The following NALF1 variants were observed in gnomAD, a reference collection of about 807,000 sequenced individuals.
The protein encoded by NALF1 is NALCN channel auxiliary factor 1.
NALF1 carries 3 observed loss-of-function variants against 48.4 expected under a neutral mutation model. That is an observed-to-expected ratio of 0.06 (90% CI 0.03 to 0.16). The LOEUF (loss-of-function observed/expected upper bound fraction) is 0.16. Among genes scored for constraint, NALF1 ranks in the 10% least tolerant of loss-of-function variants. The probability of loss-of-function intolerance (pLI) is 1.00; values close to 1 mark genes in which losing one functional copy is unlikely to be tolerated. For missense variants in NALF1, 526 were observed against 571.5 expected, an observed-to-expected ratio of 0.92 and a Z score of 0.81; for synonymous variants, 262 against 245.7, an observed-to-expected ratio of 1.07 and a Z score of -0.62.
intron 1 of NALF1, among the ~76,000 whole-genome samples, chr13:107,539,452 C>T (rs1876936228): frequency 6.7e-6 from 1 of 149,880 alleles, no homozygotes; most frequent in South Asian, 2.1e-4. Context: ...CTCAACACTG[C>T]TGCATTTGAG....
intron 1 of NALF1, among the ~76,000 whole-genome samples, chr13:107,767,599 T>A (rs567860048): frequency 6.6e-6 from 1 of 152,344 alleles, no homozygotes; most frequent in South Asian, 2.1e-4. Context: ...GGGGAAAGGT[T>A]CCAAATGTAT....
At chr13:107,217,715 T>C (rs1204712394) in intron 1 of NALF1, among the ~76,000 whole-genome samples, 1 of 152,134 alleles carries the variant, frequency 6.6e-6, no homozygotes, top group African/African-American at 2.4e-5. Context: ...CACCACGCCC[T>C]GTGAGCCTGC....
Position 107,166,472 on chromosome 13 carries a change from A to C in NALF1, c.*4025T>G, listed in dbSNP as rs1878661755. ...AATTAAATACCTGACTGCAGTTCTA[A>C]ATAAATAAAACAAAATGCAGCTTTC... On this transcript the variant is annotated 3_prime_UTR_variant, in exon 3 of 3. Transcript: ENST00000375915. The C allele has an allele frequency of 6.6e-6, 1 of 152,196 alleles. No individual in the cohort carries two copies. The highest frequency in any genetic ancestry group is 2.1e-4 in the South Asian group (1 of 4,830). The allele number at this position is 152,196 out of a possible 1,614,324, so 9.4% of individuals were successfully genotyped here. A position where few individuals can be genotyped will look rare whatever the true frequency, so the allele number is the denominator to read the frequency against.
intron 1 of NALF1, among the ~76,000 whole-genome samples, chr13:107,842,594 G>A (rs900763498): frequency 6.6e-6 from 1 of 151,096 alleles, no homozygotes; most frequent in Non-Finnish European, 1.5e-5. Context: ...CCTTATAAAA[G>A]AGTTTTATAT....
chr13:107,577,637 T>C, intron 1 of NALF1, among the ~76,000 whole-genome samples: 1 of 152,190 alleles, frequency 6.6e-6, no homozygotes, highest in East Asian at 1.9e-4. Context: ...TTCTTGCCTC[T>C]ACTGGGAAGA....
intron 1 of NALF1, among the ~76,000 whole-genome samples, chr13:107,690,043 GT>G (rs1382807534): frequency 5.3e-5 from 8 of 152,162 alleles, no homozygotes; most frequent in African/African-American, 1.9e-4. Context: ...GCCTTTCACT[GT>G]TAAATTTAGC....
chr13:107,635,662 AATG>A (rs1204696036), intron 1 of NALF1, among the ~76,000 whole-genome samples: 5 of 152,166 alleles, frequency 3.3e-5, no homozygotes, highest in Non-Finnish European at 7.3e-5. Context: ...ATAAAATGGG[AATG>A]ATAATAATTG....
intron 1 of NALF1, among the ~76,000 whole-genome samples, chr13:107,428,151 A>G (rs1884311613): frequency 6.6e-6 from 1 of 152,202 alleles, no homozygotes; most frequent in Non-Finnish European, 1.5e-5. Context: ...TCTGGCTAGC[A>G]AGTGGTGTTT....
At chr13:107,313,934 G>A (rs573277260) in intron 1 of NALF1, among the ~76,000 whole-genome samples, 1 of 152,176 alleles carries the variant, frequency 6.6e-6, no homozygotes, top group South Asian at 2.1e-4. Flanking sequence ...CAAAAACCTT[G>A]GGTACATGTT....
intron 1 of NALF1, among the ~76,000 whole-genome samples, chr13:107,649,539 T>G (rs1334853261): frequency 6.6e-6 from 1 of 152,226 alleles, no homozygotes; most frequent in Non-Finnish European, 1.5e-5. Context: ...GAGTTAATTA[T>G]TTCATATAAA....
intron 1 of NALF1, among the ~76,000 whole-genome samples, chr13:107,332,472 T>C (rs530384198): frequency 1.4e-4 from 21 of 152,344 alleles, no homozygotes; most frequent in Non-Finnish European, 2.4e-4. Context: ...CCCTTTCCAG[T>C]ACTGGAGGCG....
intron 1 of NALF1, among the ~76,000 whole-genome samples, chr13:107,477,142 C>T (rs1885186668): frequency 6.6e-6 from 1 of 152,028 alleles, no homozygotes; most frequent in Admixed American, 6.6e-5. Context: ...TGAACTGAGA[C>T]CTCAAGGAGT....
At chr13:107,857,830 A>G (rs1213814157) in intron 1 of NALF1, among the ~76,000 whole-genome samples, 2 of 152,214 alleles carry the variant, frequency 1.3e-5, no homozygotes, top group African/African-American at 2.4e-5. Context: ...TGAGATCTCA[A>G]GTGAGGACTA....
intron 1 of NALF1, among the ~76,000 whole-genome samples, chr13:107,452,543 C>T (rs1370218319): frequency 6.6e-6 from 1 of 152,130 alleles, no homozygotes; most frequent in African/African-American, 2.4e-5. Flanking sequence ...AAATTACCTC[C>T]ACCTGGTCTC....
intron 1 of NALF1, among the ~76,000 whole-genome samples, chr13:107,687,308 G>A (rs1594207385): frequency 6.6e-6 from 1 of 152,058 alleles, no homozygotes; most frequent in South Asian, 2.1e-4. Flanking sequence ...AGTCTGGATG[G>A]AGGGAGGGAA....
rs377021114 is a variant in NALF1 at position 107,566,871 on chromosome 13, T to C, written c.915+298811A>G. On this transcript the variant is annotated intron_variant, in intron 1 of 2. Coordinates refer to ENST00000375915, the MANE Select transcript of NALF1 (RefSeq NM_001080396.3). ...CCGAGGCAGTGCCCTGAGCGGCTTC[T>C]GTCCAGGCCAGCTGCCCAACACGGA... is the stretch of plus-strand genomic sequence containing the variant. 1.9e-4 allele frequency among the ~76,000 whole-genome samples: 29 copies of C among 152,340 alleles called. 1 individual carries two copies. The South Asian group carries it at 5.8e-3, about 30-fold the overall frequency.
intron 1 of NALF1, among the ~76,000 whole-genome samples, chr13:107,607,624 C>T (rs74421068): frequency 0.032 from 4,821 of 152,246 alleles, 106 homozygotes; most frequent in Non-Finnish European, 0.051. Flanking sequence ...AGCCCTCACT[C>T]CTCCCTCCTG....
At chr13:107,253,373 C>T (rs2138846639) in intron 1 of NALF1, among the ~76,000 whole-genome samples, 1 of 152,204 alleles carries the variant, frequency 6.6e-6, no homozygotes, top group East Asian at 1.9e-4. Context: ...GTGATTGATT[C>T]CCTGTCCTCT....
chr13:107,564,215 C>T (rs974520031), intron 1 of NALF1, among the ~76,000 whole-genome samples: 1 of 152,178 alleles, frequency 6.6e-6, no homozygotes, highest in African/African-American at 2.4e-5. Flanking sequence ...TTTAAATATG[C>T]AACTGATCAA....
Sources: allele counts gnomAD v4.1 joint callset (sites outside exome capture counted in the v4.1 genomes callset), GRCh38; gene constraint gnomAD v4.1.1; transcripts MANE v1.5; gene names NCBI Gene and HGNC (gene_info 2026-07-23, HGNC 2026-07-21).